Variants in ARPC1A observed in about 807,000 individuals in gnomAD.
The protein encoded by ARPC1A is actin related protein 2/3 complex subunit 1A.
Under a neutral mutation model 46.9 loss-of-function variants are expected in ARPC1A, and 8 were observed. That is an observed-to-expected ratio of 0.17 (90% CI 0.10 to 0.31). The LOEUF (loss-of-function observed/expected upper bound fraction) is 0.31, where lower values mean the gene tolerates loss of function less well. Among genes scored for constraint, ARPC1A ranks in the 10% least tolerant of loss-of-function variants. The pLI, the probability that ARPC1A is intolerant of heterozygous loss-of-function variation, is 1.00. For synonymous variants in ARPC1A, 152 were observed against 169.0 expected, an observed-to-expected ratio of 0.90 and a Z score of 0.78; for missense variants, 286 against 483.6, an observed-to-expected ratio of 0.59 and a Z score of 3.83.
intron 2 of ARPC1A, among the ~76,000 whole-genome samples, chr7:99,334,019 A>G (rs1283301009): frequency 7.0e-6 from 1 of 142,096 alleles, no homozygotes; most frequent in East Asian, 2.2e-4. Flanking sequence ...ACACACACAC[A>G]CACACACACA....
chr7:99,359,759 G>C, intron 8 of ARPC1A, 21 bp downstream of exon 8: 1 of 1,613,474 alleles, frequency 6.2e-7, no homozygotes, highest in South Asian at 1.1e-5. Flanking sequence ...TCTGTAGAGA[G>C]GTGGTCAGGT....
Position 99,355,114 on chromosome 7 carries a change from C to CAA in ARPC1A, c.713+1010_713+1011dup, listed in dbSNP as rs76934314. On this transcript the variant is annotated intron_variant, in intron 6 of 9. Transcript: ENST00000262942. ...GGGCAACAAATGCAGAACTCCGTCT[C>CAA]AAAAAAAAAAAAAAAAAATCAGCCC... Among the ~76,000 whole-genome samples, 852 of 85,396 alleles carry CAA rather than the reference C, an allele frequency of 1.0e-2. 9 individuals are homozygous for CAA. Among genetic ancestry groups the CAA allele is most frequent in the African/African-American group, 0.035 (823 of 23,686 alleles). The allele number at this position is 85,396 out of a possible 152,430, so 56.0% of individuals were successfully genotyped here.
At chr7:99,361,347 T>A (rs184012489) in intron 8 of ARPC1A, among the ~76,000 whole-genome samples, 5 of 152,028 alleles carry the variant, frequency 3.3e-5, no homozygotes, top group Admixed American at 6.6e-5. Flanking sequence ...TACAAAAAAA[T>A]TTTTAAGTTA....
intron 3 of ARPC1A, among the ~76,000 whole-genome samples, chr7:99,343,292 C>A (rs1169775781): frequency 6.6e-6 from 1 of 151,718 alleles, no homozygotes; most frequent in Non-Finnish European, 1.5e-5. Context: ...ATGGTGAAAC[C>A]CCGTCTCTAC....
At chr7:99,349,825 G>A (rs983195144) in intron 5 of ARPC1A, among the ~76,000 whole-genome samples, 1 of 152,048 alleles carries the variant, frequency 6.6e-6, no homozygotes, top group Non-Finnish European at 1.5e-5. Flanking sequence ...GGGCGACAGA[G>A]CGAGACTCTG....
chr7:99,327,618 A>G (rs1007064474), intron 1 of ARPC1A, among the ~76,000 whole-genome samples: 1 of 151,742 alleles, frequency 6.6e-6, no homozygotes, highest in African/African-American at 2.4e-5. Flanking sequence ...CACCACACCC[A>G]GCTTATATGG....
chr7:99,359,875 CTG>C, intron 8 of ARPC1A, 137 bp downstream of exon 8: 1 of 1,019,238 alleles, frequency 9.8e-7, no homozygotes, highest in African/African-American at 1.6e-5. Context: ...AGCAAGAAGT[CTG>C]TATCTTCCCG....
intron 3 of ARPC1A, among the ~76,000 whole-genome samples, chr7:99,340,601 C>A (rs1424420790): frequency 6.6e-6 from 1 of 152,154 alleles, no homozygotes; most frequent in Non-Finnish European, 1.5e-5. Context: ...CGCCAGCACA[C>A]CCGGCTAATT....
rs1236148823 is a variant in ARPC1A at position 99,348,906 on chromosome 7, T to C, written c.447T>C (p.Asp149=). Residue 149 remains aspartate (D), a synonymous_variant, in exon 5 of 10, where the codon GAT becomes GAC. Transcript: ENST00000262942. ...KPIRSTVLSL[D]WHPNNVLLAA... is the part of the protein sequence containing the mutation. ...TTCGCTCCACAGTCCTCAGCTTGGA[T>C]TGGCATCCCAACAACGTTTTGCTGG... The C allele has an allele frequency of 8.1e-6, 13 of 1,614,012 alleles. No individual in the cohort carries two copies. The highest frequency in any genetic ancestry group is 2.7e-5 in the African/African-American group (2 of 74,916).
chr7:99,343,405 G>A (rs1793388075), intron 3 of ARPC1A, among the ~76,000 whole-genome samples: 1 of 151,874 alleles, frequency 6.6e-6, no homozygotes, highest in Non-Finnish European at 1.5e-5. Flanking sequence ...GGCGGAGGTT[G>A]CAGTGAGCTG....
At chr7:99,365,259 T>C (rs114449940) in intron 9 of ARPC1A, among the ~76,000 whole-genome samples, 1,552 of 151,782 alleles carry the variant, frequency 0.01, 21 homozygotes, top group African/African-American at 0.036. Context: ...TGAGACCAGT[T>C]TGGGCAACAT....
rs555506862 is a variant in ARPC1A at position 99,349,564 on chromosome 7, C to T, written c.500+605C>T. Among the ~76,000 whole-genome samples, 6 of 150,898 alleles carry T rather than the reference C, an allele frequency of 4.0e-5. No individual in the cohort carries two copies. In the East Asian group the frequency reaches 5.9e-4, roughly 15 times the overall value. ...TACTAAAAATACAAAAGAGGCCGGGCGCAGTAGCTCACGCCCGTAATCCCA... is the reference window on the plus strand; with the variant it reads ...TACTAAAAATACAAAAGAGGCCGGGTGCAGTAGCTCACGCCCGTAATCCCA... On this transcript the variant is annotated intron_variant, in intron 5 of 9. Coordinates refer to ENST00000262942, the MANE Select transcript of ARPC1A (RefSeq NM_006409.4).
chr7:99,365,615 T>C lies in ARPC1A; in HGVS notation c.1075-276T>C, dbSNP rs556150695. Among the ~76,000 whole-genome samples, 418 of 138,202 alleles carry C rather than the reference T, an allele frequency of 3.0e-3. 6 individuals carry two copies. Among genetic ancestry groups the C allele is most frequent in the Non-Finnish European group, 4.9e-3 (310 of 63,532 alleles). The allele number at this position is 138,202 out of a possible 152,430, so 90.7% of individuals were successfully genotyped here. The stretch of plus-strand genomic sequence containing the variant: ...GGGCAACAGAGCAAGACCCTATCTT[T>C]AAAAAAAAAAAAAAAGAGGAGTGAG... On this transcript the variant is annotated intron_variant, in intron 9 of 9. Transcript: ENST00000262942.
At chr7:99,358,633 C>T (rs1360331344) in intron 7 of ARPC1A, 8 of 477,036 alleles carry the variant, frequency 1.7e-5, no homozygotes, top group African/African-American at 6.1e-5. Flanking sequence ...CTCTGCCTCC[C>T]GGGTTCAAGC....
Position 99,335,255 on chromosome 7 carries a change from G to T in ARPC1A, c.64+1838G>T, listed in dbSNP as rs76954869. ...TCCACCTGCCTTGGCCTCCCGAAGT[G>T]CTGGGATATACTTAGTGGGCATGAG... is the stretch of plus-strand genomic sequence containing the variant. On this transcript the variant is annotated intron_variant, in intron 2 of 9. Transcript: ENST00000262942. Among the ~76,000 whole-genome samples the T allele has an allele frequency of 8.1e-3, 1,234 of 152,238 alleles. 17 individuals carry two copies. The highest frequency in any genetic ancestry group is 0.026 in the African/African-American group (1,090 of 41,524).
chr7:99,347,186 C>T (rs1165322197), intron 4 of ARPC1A, among the ~76,000 whole-genome samples: 2 of 152,132 alleles, frequency 1.3e-5, no homozygotes, highest in Non-Finnish European at 2.9e-5. Flanking sequence ...CTTGCCACTT[C>T]AGCCTCCCAA....
chr7:99,364,884 C>T (rs970059401), intron 9 of ARPC1A, among the ~76,000 whole-genome samples: 22 of 152,054 alleles, frequency 1.4e-4, no homozygotes, highest in African/African-American at 4.8e-4. Context: ...GTAGGGGATT[C>T]GGCAGAGCTC....
intron 5 of ARPC1A, among the ~76,000 whole-genome samples, chr7:99,352,508 T>C (rs1295563241): frequency 6.6e-6 from 1 of 150,906 alleles, no homozygotes; most frequent in Non-Finnish European, 1.5e-5. Context: ...AATTTTAAAA[T>C]ATTAGCTGGG....
intron 1 of ARPC1A, among the ~76,000 whole-genome samples, chr7:99,326,654 A>G (rs1793052834): frequency 6.6e-6 from 1 of 152,216 alleles, no homozygotes; most frequent in African/African-American, 2.4e-5. Flanking sequence ...CTGTTTCCTC[A>G]TCTGCAATAA....
Sources: gnomAD v4.1 joint callset for allele counts (sites outside exome capture counted in the v4.1 genomes callset) on GRCh38, gnomAD v4.1.1 for gene constraint, MANE v1.5 for transcripts, NCBI Gene and HGNC (gene_info 2026-07-23, HGNC 2026-07-21) for gene names.